The following GJB7 variants were observed in gnomAD, a reference collection of about 807,000 sequenced individuals.
GJB7 encodes gap junction protein beta 7.
For synonymous variants in GJB7, 87 were observed against 95.2 expected (o/e 0.91, Z 0.50); for missense variants, 253 against 256.8 (o/e 0.99, Z 0.10).
intron 2 of GJB7, among the ~76,000 whole-genome samples, chr6:87,308,749 G>A (rs1776471209): frequency 6.6e-6 from 1 of 151,846 alleles, no homozygotes; most frequent in Admixed American, 6.6e-5. Context: ...ACTTACTGAG[G>A]CATATCGTGA....
At chr6:87,299,507 G>A in intron 2 of GJB7, 2 of 381,568 alleles carry the variant, frequency 5.2e-6, no homozygotes, top group South Asian at 2.2e-5. Flanking sequence ...AAAATTTCTA[G>A]TGTCCAGACC....
intron 2 of GJB7, among the ~76,000 whole-genome samples, chr6:87,293,500 G>C (rs116111227): frequency 7.2e-4 from 109 of 151,444 alleles, no homozygotes; most frequent in African/African-American, 2.6e-3. Flanking sequence ...CCAGAATATC[G>C]ATCCAGTTCC....
intron 2 of GJB7, among the ~76,000 whole-genome samples, chr6:87,320,217 C>A (rs1776636315): frequency 6.6e-6 from 1 of 152,016 alleles, no homozygotes; most frequent in African/African-American, 2.4e-5. Context: ...GTGGTGGATA[C>A]CCCATTTACC....
intron 2 of GJB7, among the ~76,000 whole-genome samples, chr6:87,312,433 C>T (rs950431636): frequency 6.0e-5 from 9 of 151,232 alleles, no homozygotes; most frequent in African/African-American, 2.2e-4. Context: ...ATTGCTTGAA[C>T]TCGCGAGGCG....
rs562456606 is a variant in GJB7 at position 87,283,171 on chromosome 6, G to C, written c.*1070C>G. 1 of 152,310 alleles carries C rather than the reference G, an allele frequency of 6.6e-6. No homozygotes were observed. Among genetic ancestry groups the C allele is most frequent in the South Asian group, 2.1e-4 (1 of 4,830 alleles). 9.4% of individuals were successfully genotyped at this position (152,310 alleles called of 1,614,324 possible). A position where few individuals can be genotyped will look rare whatever the true frequency, so the allele number is the denominator to read the frequency against. On this transcript the variant is annotated 3_prime_UTR_variant, in exon 3 of 3. Coordinates refer to ENST00000525899, the MANE Select transcript of GJB7 (RefSeq NM_198568.3). ...CAACATAGTACACATTTTACTATCTGTCCTAGAGGGAGATATACTAGTAAA... is the reference window on the plus strand; with the variant it reads ...CAACATAGTACACATTTTACTATCTCTCCTAGAGGGAGATATACTAGTAAA...
rs1461728654 is a variant in GJB7, at chr6:87,284,733, G to A, written c.180C>T (p.Cys60=). 6 of 1,613,948 alleles carry A rather than the reference G, an allele frequency of 3.7e-6. No homozygotes were observed. The Admixed American group carries it at 5.0e-5, about 13-fold the overall frequency. ...EFECNSRQPG[C]KNVCFDDFFP... is the part of the protein sequence containing the mutation. ...AGAAGTCATCAAAACACACATTTTT[G>A]CAACCGGGCTGTCTACTGTTGCACT... The change falls in exon 3 of 3, where the codon TGC becomes TGT. Residue 60 remains cysteine, a synonymous_variant. Coordinates refer to ENST00000525899, the MANE Select transcript of GJB7 (RefSeq NM_198568.3).
At chr6:87,300,012 CAG>C (rs1294787079) in intron 2 of GJB7, 1 of 334,830 alleles carries the variant, frequency 3.0e-6, no homozygotes, top group Non-Finnish European at 5.9e-6. Flanking sequence ...GAATGAAAGA[CAG>C]AGTTACAGAT....
intron 2 of GJB7, among the ~76,000 whole-genome samples, chr6:87,296,800 C>T (rs1041758034): frequency 2.0e-5 from 3 of 152,026 alleles, no homozygotes; most frequent in East Asian, 1.9e-4. Context: ...TCTCCAAGAT[C>T]GTATGTATGA....
intron 2 of GJB7, among the ~76,000 whole-genome samples, chr6:87,312,356 A>G (rs1336713660): frequency 1.3e-5 from 2 of 152,100 alleles, no homozygotes; most frequent in Non-Finnish European, 2.9e-5. Flanking sequence ...TACTAAAAAT[A>G]CAAAAATTAG....
chr6:87,322,051 C>T (rs1218523793), intron 2 of GJB7, among the ~76,000 whole-genome samples: 1 of 152,186 alleles, frequency 6.6e-6, no homozygotes, highest in African/African-American at 2.4e-5. Context: ...TCAGTTTTCA[C>T]GTGTATCCCA....
Position 87,311,778 on chromosome 6 carries a change from A to G in GJB7, c.-28+11088T>C, listed in dbSNP as rs369390714. 3.9e-5 allele frequency among the ~76,000 whole-genome samples: 6 copies of G among 152,204 alleles called. No homozygotes were observed. In the East Asian group the frequency reaches 7.7e-4, roughly 20 times the overall value. On this transcript the variant is annotated intron_variant, in intron 2 of 2. Transcript: ENST00000525899. ...CAGTATAGTACTTTATTGTTCTGCA[A>G]TCACATTTTTCCTGGCAAGAATTTC...
At chr6:87,307,680 C>T (rs191971584) in intron 2 of GJB7, among the ~76,000 whole-genome samples, 41 of 152,274 alleles carry the variant, frequency 2.7e-4, no homozygotes, top group Admixed American at 2.0e-3. Context: ...AGTGAGATAC[C>T]ATCTCACACC....
At chr6:87,297,156 T>G (rs1227878306) in intron 2 of GJB7, among the ~76,000 whole-genome samples, 1 of 152,088 alleles carries the variant, frequency 6.6e-6, no homozygotes. Flanking sequence ...CAACGAAGGG[T>G]TTGGGTAAGC....
At chr6:87,300,037 G>A (rs1041078105) in intron 2 of GJB7, 14 of 332,528 alleles carry the variant, frequency 4.2e-5, no homozygotes, top group Non-Finnish European at 6.5e-5. Flanking sequence ...CCTTAATGCT[G>A]TAAGAGCTGC....
rs759584882 is a variant in GJB7 at position 87,284,279 on chromosome 6, G to C, written c.634C>G (p.Gln212Glu). Residue 212 changes from glutamine (Q) to glutamate (E), a missense_variant, in exon 3 of 3, where the codon CAA (glutamine) becomes GAA (glutamate). Transcript: ENST00000525899. Reference sequence around the variant, plus strand: ...ACTTGAGGTTTTTTTAAATATTTTTGGAGACAGCACTTAATAAAGCACTTG... The same window carrying C: ...ACTTGAGGTTTTTTTAAATATTTTTCGAGACAGCACTTAATAAAGCACTTG... ...VLKCFIKCCL[Q>E]KYLKKPQVLS... 1 of 1,613,588 alleles carries C rather than the reference G, an allele frequency of 6.2e-7. No individual in the cohort carries two copies. The highest frequency in any genetic ancestry group is 8.5e-7 in the Non-Finnish European group (1 of 1,179,840).
chr6:87,301,708 T>C (rs1562211862), intron 2 of GJB7, among the ~76,000 whole-genome samples: 4 of 152,182 alleles, frequency 2.6e-5, no homozygotes, highest in African/African-American at 9.6e-5. Flanking sequence ...CAGTTTGAGA[T>C]CTGAGAACGG....
chr6:87,321,816 A>C (rs1310793505), intron 2 of GJB7, among the ~76,000 whole-genome samples: 1 of 152,184 alleles, frequency 6.6e-6, no homozygotes, highest in Non-Finnish European at 1.5e-5. Flanking sequence ...GGAAGAGGAA[A>C]CAAGCACGTC....
intron 2 of GJB7, among the ~76,000 whole-genome samples, chr6:87,303,046 C>G (rs184476688): frequency 6.6e-6 from 1 of 152,186 alleles, no homozygotes; most frequent in African/African-American, 2.4e-5. Flanking sequence ...TGGAAAGGAA[C>G]AACCAGTACC....
At chr6:87,328,171 A>G (rs1157213985) in intron 1 of GJB7, among the ~76,000 whole-genome samples, 1 of 152,110 alleles carries the variant, frequency 6.6e-6, no homozygotes, top group Non-Finnish European at 1.5e-5. Flanking sequence ...CTTTTTTCAA[A>G]GTTTTCAACT....
Sources: allele counts gnomAD v4.1 joint callset (sites outside exome capture counted in the v4.1 genomes callset), GRCh38; gene constraint gnomAD v4.1.1; transcripts MANE v1.5; gene names NCBI Gene and HGNC (gene_info 2026-07-23, HGNC 2026-07-21).